The following FCHSD2 variants were observed in gnomAD, a reference collection of about 807,000 sequenced individuals.
FCHSD2 encodes the protein F-BAR and double SH3 domains protein 2.
A neutral mutation model predicts 108.1 loss-of-function variants in FCHSD2; 38 were observed. The observed-to-expected ratio is 0.35, with a 90% CI of 0.27 to 0.46. FCHSD2 has a LOEUF of 0.46. Ranked by LOEUF, FCHSD2 falls within the 20% of genes least tolerant of loss-of-function variation. The pLI is 1.00. For missense variants in FCHSD2, 751 were observed against 897.8 expected (o/e 0.84, Z 2.09); for synonymous variants, 279 against 314.7 (o/e 0.89, Z 1.20).
chr11:73,086,352 G>A (rs1859816904), intron 2 of FCHSD2, among the ~76,000 whole-genome samples: 1 of 152,144 alleles, frequency 6.6e-6, no homozygotes, highest in African/African-American at 2.4e-5. Context: ...GGGTAGCAGT[G>A]AACCAAGATA....
chr11:72,893,171 T>A (rs1481000249), intron 10 of FCHSD2, among the ~76,000 whole-genome samples: 1 of 151,886 alleles, frequency 6.6e-6, no homozygotes, highest in East Asian at 1.9e-4. Flanking sequence ...AGTTAACTTT[T>A]TGTATTTTTA....
chr11:73,020,150 C>G (rs913307244), intron 3 of FCHSD2, among the ~76,000 whole-genome samples: 19 of 152,178 alleles, frequency 1.2e-4, no homozygotes, highest in African/African-American at 4.6e-4. Context: ...CCATCAGTGT[C>G]TGATGTTAGG....
At position 72,836,853 on chromosome 11, in the gene FCHSD2, C is replaced by T. The variant is rs1860744267; in HGVS notation, c.*1938G>A. 6.6e-6 allele frequency: 1 copy of T among 152,560 alleles called. No individual in the cohort carries two copies. Among genetic ancestry groups the T allele is most frequent in the African/African-American group, 2.4e-5 (1 of 41,400 alleles). 9.5% of individuals were successfully genotyped at this position (152,560 alleles called of 1,614,324 possible). On this transcript the variant is annotated 3_prime_UTR_variant, in exon 20 of 20. Coordinates refer to ENST00000409418, the MANE Select transcript of FCHSD2 (RefSeq NM_014824.3). ...ACAGAGGCTCCCTCCGAGCCCTGAC[C>T]TGTGCACTGTGGTGCTGGATTCCAT... is the stretch of plus-strand genomic sequence containing the variant.
intron 13 of FCHSD2, among the ~76,000 whole-genome samples, chr11:72,861,198 A>C (rs1294512192): frequency 1.3e-5 from 2 of 152,162 alleles, no homozygotes; most frequent in African/African-American, 4.8e-5. Flanking sequence ...ATCAGGAATG[A>C]GGTGATATCT....
intron 15 of FCHSD2, 30 bp from the exon 16 acceptor site, chr11:72,843,358 TTA>T (rs552688952): frequency 3.9e-4 from 622 of 1,591,574 alleles, no homozygotes; most frequent in Non-Finnish European, 5.2e-4. Flanking sequence ...CAAAACAAGT[TTA>T]CACACACAAT....
intron 8 of FCHSD2, among the ~76,000 whole-genome samples, chr11:72,977,567 T>G (rs1023737150): frequency 6.6e-6 from 1 of 152,162 alleles, no homozygotes; most frequent in African/African-American, 2.4e-5. Flanking sequence ...AAATCAAAAC[T>G]ACAATGAGAT....
intron 8 of FCHSD2, among the ~76,000 whole-genome samples, chr11:72,960,591 G>A: frequency 6.6e-6 from 1 of 152,150 alleles, no homozygotes; most frequent in Non-Finnish European, 1.5e-5. Flanking sequence ...CCATGCAGCT[G>A]CTATTAATTT....
chr11:73,083,530 A>C (rs950078751), intron 3 of FCHSD2, among the ~76,000 whole-genome samples, 165 bp downstream of exon 3: 1 of 151,874 alleles, frequency 6.6e-6, no homozygotes, highest in Non-Finnish European at 1.5e-5. Flanking sequence ...GCCTCGCAAC[A>C]AAGCGAGACT....
intron 1 of FCHSD2, among the ~76,000 whole-genome samples, chr11:73,141,585 C>A (rs573010256): frequency 1.3e-5 from 2 of 152,204 alleles, no homozygotes; most frequent in Non-Finnish European, 2.9e-5. Flanking sequence ...CATTGCCATG[C>A]GCGCGCACAC....
At chr11:72,994,387 A>G (rs186942910) in intron 5 of FCHSD2, among the ~76,000 whole-genome samples, 417 of 152,202 alleles carry the variant, frequency 2.7e-3, no homozygotes, top group Non-Finnish European at 2.9e-3. Flanking sequence ...TGAAAAAGGT[A>G]GTAGTAGTAG....
At chr11:73,122,034 T>C (rs1257439463) in intron 2 of FCHSD2, among the ~76,000 whole-genome samples, 1 of 152,182 alleles carries the variant, frequency 6.6e-6, no homozygotes, top group Non-Finnish European at 1.5e-5. Context: ...TGACTGCAAC[T>C]ATGTAAAAAC....
chr11:73,089,428 T>TA (rs1417103265), intron 2 of FCHSD2, among the ~76,000 whole-genome samples: 2 of 152,212 alleles, frequency 1.3e-5, no homozygotes, highest in African/African-American at 4.8e-5. Context: ...ATTCTATTCC[T>TA]AGGTGTATAT....
intron 5 of FCHSD2, among the ~76,000 whole-genome samples, chr11:72,999,617 G>GTTT (rs1857585687): frequency 1.3e-5 from 2 of 152,062 alleles, no homozygotes; most frequent in Non-Finnish European, 2.9e-5. Context: ...ACCACACCCG[G>GTTT]CCTTATCAAA....
At chr11:72,992,495 T>G (rs897249552) in intron 5 of FCHSD2, among the ~76,000 whole-genome samples, 2 of 152,300 alleles carry the variant, frequency 1.3e-5, no homozygotes, top group South Asian at 2.1e-4. Flanking sequence ...TCACACTACC[T>G]GACTTCAAAC....
chr11:73,120,913 A>T (rs1322475479), intron 2 of FCHSD2, among the ~76,000 whole-genome samples: 1 of 151,702 alleles, frequency 6.6e-6, no homozygotes, highest in East Asian at 1.9e-4. Flanking sequence ...ACACACAGGC[A>T]GAGTCAAAAA....
intron 9 of FCHSD2, among the ~76,000 whole-genome samples, chr11:72,919,032 G>A (rs1855929789): frequency 1.3e-5 from 2 of 152,090 alleles, no homozygotes; most frequent in African/African-American, 2.4e-5. Flanking sequence ...GATATAGGAA[G>A]CACTTTAACA....
chr11:73,072,807 A>T (rs915490958), intron 3 of FCHSD2, among the ~76,000 whole-genome samples: 1 of 152,212 alleles, frequency 6.6e-6, no homozygotes, highest in South Asian at 2.1e-4. Context: ...GATGAAATTC[A>T]CCAAAAAAGA....
intron 7 of FCHSD2, 105 bp downstream of exon 7, chr11:72,984,957 C>T: frequency 1.8e-6 from 1 of 560,686 alleles, no homozygotes; most frequent in Non-Finnish European, 3.3e-6. Flanking sequence ...CTTTAAAATG[C>T]TTCTCTAAGG....
chr11:72,905,415 T>C (rs928781345), intron 9 of FCHSD2, among the ~76,000 whole-genome samples: 4 of 152,220 alleles, frequency 2.6e-5, no homozygotes, highest in African/African-American at 9.6e-5. Flanking sequence ...ATCCTTACTT[T>C]GTATTACAAA....
Sources: allele counts gnomAD v4.1 joint callset (sites outside exome capture counted in the v4.1 genomes callset), GRCh38; gene constraint gnomAD v4.1.1; transcripts MANE v1.5; gene names NCBI Gene and HGNC (gene_info 2026-07-23, HGNC 2026-07-21).